CASK: variants seen among roughly 807,000 people sequenced by gnomAD.
The protein encoded by CASK is calcium/calmodulin dependent serine protein kinase.
A neutral mutation model predicts 82.9 loss-of-function variants in CASK; 4 were observed. That is an observed-to-expected ratio of 0.05 (90% CI 0.02 to 0.11). CASK has a LOEUF of 0.11. CASK is among the 10% of genes least tolerant of loss of function. CASK has a pLI of 1.00. For missense variants in CASK, 358 were observed against 720.9 expected, an observed-to-expected ratio of 0.50 and a Z score of 5.76; for synonymous variants, 259 against 253.5, an observed-to-expected ratio of 1.02 and a Z score of -0.20.
At chrX:41,656,884 AC>A (rs1362765175) in intron 8 of CASK, among the ~76,000 whole-genome samples, 1 of 111,892 alleles carries the variant, frequency 8.9e-6, no homozygotes. Flanking sequence ...CAGAGCCATA[AC>A]TACCAGTGTT....
chrX:41,664,075 C>T (rs2067077382), intron 7 of CASK, among the ~76,000 whole-genome samples: 1 of 111,400 alleles, frequency 9.0e-6, no homozygotes, highest in South Asian at 3.8e-4. Flanking sequence ...CTGGGAGGAG[C>T]AGAATATGCT....
intron 1 of CASK, among the ~76,000 whole-genome samples, chrX:41,918,841 A>G (rs942910860): frequency 8.9e-6 from 1 of 112,484 alleles, no homozygotes; most frequent in Non-Finnish European, 1.9e-5. Context: ...TTATAGCTGC[A>G]TATTAGAATC....
intron 1 of CASK, among the ~76,000 whole-genome samples, chrX:41,878,934 A>G (rs1197865572): frequency 9.0e-6 from 1 of 111,620 alleles, no homozygotes; most frequent in East Asian, 2.8e-4. Context: ...AAAATTTACT[A>G]AACTTTTGAG....
chrX:41,751,908 T>G (rs2068797081), intron 3 of CASK, among the ~76,000 whole-genome samples: 1 of 108,903 alleles, frequency 9.2e-6, no homozygotes, highest in African/African-American at 3.3e-5. Context: ...TAGCTGGGTG[T>G]GGTGGTACAC....
At chrX:41,785,605 C>T (rs919246547) in intron 3 of CASK, among the ~76,000 whole-genome samples, 1 of 112,584 alleles carries the variant, frequency 8.9e-6, no homozygotes, top group Non-Finnish European at 1.9e-5. Flanking sequence ...CTTGCACTTA[C>T]TCATATTTGA....
intron 5 of CASK, among the ~76,000 whole-genome samples, chrX:41,672,110 C>T: frequency 9.0e-6 from 1 of 110,714 alleles, no homozygotes; most frequent in Non-Finnish European, 1.9e-5. Flanking sequence ...GGGACTTCAA[C>T]GCTCTTCCTG....
At chrX:41,861,917 A>G (rs905039298) in intron 1 of CASK, among the ~76,000 whole-genome samples, 1 of 102,779 alleles carries the variant, frequency 9.7e-6, no homozygotes, top group African/African-American at 3.5e-5. Context: ...TATATACATT[A>G]TATGTATATA....
chrX:41,660,947 A>T (rs1340838868), intron 7 of CASK, among the ~76,000 whole-genome samples: 1 of 112,279 alleles, frequency 8.9e-6, no homozygotes, highest in African/African-American at 3.2e-5. Flanking sequence ...GATATGTTTT[A>T]AAAAATCGAG....
At chrX:41,660,222 T>C in intron 8 of CASK, 1 of 450,686 alleles carries the variant, frequency 2.2e-6, no homozygotes, top group South Asian at 3.4e-5. Flanking sequence ...TTAATCCTGT[T>C]TTTTACCCTC....
rs752330387 is a variant in CASK, at chrX:41,878,631, T to C, written c.60-25404A>G. On this transcript the variant is annotated intron_variant, in intron 1 of 26. Transcript: ENST00000378163. ...TCCCTCAAATTCATTCACCTGTAAC[T>C]CACATGTAACAAAGTCTTCAGAAAT... is the stretch of plus-strand genomic sequence containing the variant. Among the ~76,000 whole-genome samples, 6 of 111,314 alleles carry C rather than the reference T, an allele frequency of 5.4e-5. No homozygotes were observed. In the South Asian group the frequency reaches 2.2e-3, roughly 42 times the overall value.
intron 14 of CASK, among the ~76,000 whole-genome samples, chrX:41,579,903 G>A (rs1237039913): frequency 8.9e-6 from 1 of 111,763 alleles, no homozygotes; most frequent in Non-Finnish European, 1.9e-5. Flanking sequence ...AATATGCTTT[G>A]AGCATTATAC....
At chrX:41,601,878 A>G (rs1438003986) in intron 12 of CASK, among the ~76,000 whole-genome samples, 1 of 110,873 alleles carries the variant, frequency 9.0e-6, no homozygotes, top group Non-Finnish European at 1.9e-5. Flanking sequence ...CAACTGCTCC[A>G]GGACCATTTG....
intron 2 of CASK, among the ~76,000 whole-genome samples, chrX:41,845,784 T>C (rs951524242): frequency 1.8e-5 from 2 of 111,685 alleles, no homozygotes; most frequent in Non-Finnish European, 1.9e-5. Context: ...GTCTTTTTTT[T>C]CCTGTATTCC....
At chrX:41,727,406 C>T (rs879019690) in intron 5 of CASK, 11 of 1,210,831 alleles carry the variant, frequency 9.1e-6, no homozygotes, top group Admixed American at 6.5e-5. Flanking sequence ...AAGGATTCCT[C>T]GCAAGAGACT....
intron 5 of CASK, among the ~76,000 whole-genome samples, chrX:41,733,930 CA>C (rs1286054572): frequency 9.0e-6 from 1 of 110,988 alleles, no homozygotes; most frequent in African/African-American, 3.3e-5. Flanking sequence ...AATGTCATGC[CA>C]ACCAGTGTTA....
At chrX:41,756,444 G>A (rs914303048) in intron 3 of CASK, among the ~76,000 whole-genome samples, 2 of 112,046 alleles carry the variant, frequency 1.8e-5, no homozygotes, top group Admixed American at 1.9e-4. Context: ...TAGATAAAAT[G>A]GGTATAGAAT....
At chrX:41,611,843 C>A (rs912174384) in intron 11 of CASK, among the ~76,000 whole-genome samples, 1 of 110,675 alleles carries the variant, frequency 9.0e-6, no homozygotes, top group East Asian at 2.9e-4. Context: ...CGATTGCAGG[C>A]GCGCGCCGCC....
intron 5 of CASK, among the ~76,000 whole-genome samples, chrX:41,710,081 T>TTGTGTGTGTGTGTGTG (rs57963407): frequency 0.019 from 1,398 of 72,143 alleles, 44 homozygotes; most frequent in Non-Finnish European, 0.025. Flanking sequence ...GGTATAGATT[T>TTGTGTGTGTGTGTGTG]TGTGTGTGTG....
At position 41,640,192 on chromosome X, in the gene CASK, T is replaced by A. The variant is rs1203877406; in HGVS notation, c.832-3531A>T. Among the ~76,000 whole-genome samples, 3 of 108,102 alleles carry A rather than the reference T, an allele frequency of 2.8e-5. No individual in the cohort carries two copies. In the East Asian group the frequency reaches 8.5e-4, roughly 30 times the overall value. The allele number at this position is 108,102 out of a possible 115,157, so 93.9% of individuals were successfully genotyped here. On this transcript the variant is annotated intron_variant, in intron 8 of 26. Coordinates refer to ENST00000378163, the MANE Select transcript of CASK (RefSeq NM_001367721.1). ...CCATTTTACGTTCCTACTAACAGTG[T>A]TATGAGTTTCCATTGTTCTTTTTTT...
Sources: allele counts gnomAD v4.1 joint callset (sites outside exome capture counted in the v4.1 genomes callset), GRCh38; gene constraint gnomAD v4.1.1; transcripts MANE v1.5; gene names NCBI Gene and HGNC (gene_info 2026-07-23, HGNC 2026-07-21).